Variants in FRYL observed in about 807,000 individuals in gnomAD.
The protein encoded by FRYL is FRY like transcription coactivator, also known as protein furry homolog-like.
FRYL carries 150 observed loss-of-function variants against 351.2 expected under a neutral mutation model. The ratio of observed to expected loss-of-function variants is 0.43; its 90% CI spans 0.37 to 0.49. FRYL has a LOEUF of 0.49. FRYL is among the 20% of genes least tolerant of loss of function. The probability of loss-of-function intolerance (pLI) is 0.00; values close to 1 mark genes in which losing one functional copy is unlikely to be tolerated. For synonymous variants in FRYL, 1,153 were observed against 1,257.1 expected, an observed-to-expected ratio of 0.92 and a Z score of 1.75; for missense variants, 3,036 against 3,619.3, an observed-to-expected ratio of 0.84 and a Z score of 4.13.
At chr4:48,725,523 C>T (rs1769978407) in intron 1 of FRYL, among the ~76,000 whole-genome samples, 2 of 152,164 alleles carry the variant, frequency 1.3e-5, no homozygotes, top group South Asian at 4.1e-4. Flanking sequence ...ATAAACAATT[C>T]ATAAGTTTTA....
intron 16 of FRYL, among the ~76,000 whole-genome samples, chr4:48,592,617 T>G (rs1743657366): frequency 1.3e-5 from 2 of 152,158 alleles, no homozygotes; most frequent in South Asian, 4.1e-4. Flanking sequence ...TTTCATAATT[T>G]TTGTTGCTGG....
rs1201222506 is a variant in FRYL at position 48,540,847 on chromosome 4, T to C, written c.5801A>G (p.Asn1934Ser). ...PINSSSYLGY[N>S]SNARSNSLRL... ...CAAAGAGTTACTTCTTGCATTACTG[T>C]TATATCCCAAATAACTGCTACTATT... The change falls in exon 46 of 64, where the codon AAC becomes AGC. Residue 1934 changes from asparagine (N) to serine (S), a missense_variant. Asn to Ser is a conservative substitution (Grantham distance 46). Coordinates refer to ENST00000358350, the MANE Select transcript of FRYL (RefSeq NM_015030.2). 5.0e-6 allele frequency: 8 copies of C among 1,614,060 alleles called. No homozygotes were observed. Among genetic ancestry groups the C allele is most frequent in the Non-Finnish European group, 6.8e-6 (8 of 1,179,952 alleles).
At chr4:48,640,108 T>C (rs1755037741) in intron 3 of FRYL, among the ~76,000 whole-genome samples, 1 of 152,148 alleles carries the variant, frequency 6.6e-6, no homozygotes, top group Admixed American at 6.6e-5. Flanking sequence ...GTTATTTTTT[T>C]CAAAACTAAA....
chr4:48,583,605 G>GA lies in FRYL; in HGVS notation c.1749-872dup, dbSNP rs554392506. Among the ~76,000 whole-genome samples the GA allele has an allele frequency of 5.1e-3, 727 of 141,504 alleles. 9 individuals are homozygous for GA. The highest frequency in any genetic ancestry group is 0.015 in the African/African-American group (584 of 38,708). 92.8% of individuals were successfully genotyped at this position (141,504 alleles called of 152,430 possible). On this transcript the variant is annotated intron_variant, in intron 19 of 63. Transcript: ENST00000358350. ...TAATATTATAAATGGTACATGCCTA[G>GA]AAAAAAAAAAAATAAGGCTGAGCTC... is the stretch of plus-strand genomic sequence containing the variant.
chr4:48,568,621 C>T (rs1737407689), intron 27 of FRYL, among the ~76,000 whole-genome samples: 1 of 151,844 alleles, frequency 6.6e-6, no homozygotes, highest in South Asian at 2.1e-4. Context: ...ATACCCTAAA[C>T]CCATGAAAAC....
At chr4:48,600,671 C>T (rs1745513820) in intron 13 of FRYL, among the ~76,000 whole-genome samples, 1 of 152,044 alleles carries the variant, frequency 6.6e-6, no homozygotes, top group African/African-American at 2.4e-5. Context: ...AGCAGCCTTC[C>T]AGAAACATTT....
chr4:48,619,110 A>G (rs1750139098), intron 7 of FRYL, 164 bp downstream of exon 7: 1 of 569,574 alleles, frequency 1.8e-6, no homozygotes, highest in African/African-American at 1.9e-5. Flanking sequence ...AGATAGGTAC[A>G]GGGCAGGAAA....
At chr4:48,529,004 T>C (rs1169476652) in intron 50 of FRYL, among the ~76,000 whole-genome samples, 1 of 152,148 alleles carries the variant, frequency 6.6e-6, no homozygotes, top group Non-Finnish European at 1.5e-5. Flanking sequence ...TGATCATCCT[T>C]CTCTCCCTAG....
intron 2 of FRYL, among the ~76,000 whole-genome samples, chr4:48,685,856 C>A (rs1446302034): frequency 6.6e-6 from 1 of 151,928 alleles, no homozygotes. Flanking sequence ...CGGGTTCAAG[C>A]GATTCTCCTG....
intron 3 of FRYL, among the ~76,000 whole-genome samples, chr4:48,680,254 TA>T (rs1032485386): frequency 3.3e-5 from 5 of 151,036 alleles, no homozygotes; most frequent in East Asian, 3.9e-4. Flanking sequence ...TCCCTAAAAT[TA>T]AAAAAAAATC....
intron 3 of FRYL, among the ~76,000 whole-genome samples, chr4:48,672,856 A>G (rs1186141277): frequency 6.6e-6 from 1 of 152,246 alleles, no homozygotes; most frequent in Non-Finnish European, 1.5e-5. Context: ...CCTTCTAAAA[A>G]GAAAGTGGCC....
At chr4:48,553,826 G>A (rs900924254) in intron 35 of FRYL, among the ~76,000 whole-genome samples, 2 of 152,082 alleles carry the variant, frequency 1.3e-5, no homozygotes, top group African/African-American at 4.8e-5. Flanking sequence ...AACCAGAGTA[G>A]TCATTAAGAG....
intron 26 of FRYL, chr4:48,571,890 T>A: frequency 1.0e-6 from 1 of 985,014 alleles, no homozygotes; most frequent in Non-Finnish European, 1.2e-6. Context: ...TTTAATAGCA[T>A]TCCTTCTGAA....
rs775009977 is a variant in FRYL at position 48,550,694 on chromosome 4, G to A, written c.4531C>T (p.Leu1511=). 1 of 1,609,230 alleles carries A rather than the reference G, an allele frequency of 6.2e-7. No homozygotes were observed. The highest frequency in any genetic ancestry group is 1.7e-4 in the Middle Eastern group (1 of 6,058). Residue 1511 remains leucine, a synonymous_variant, in exon 38 of 64, where the codon CTG becomes TTG. Transcript: ENST00000358350. ...CTGTTTAGTCCACTGTAAATGTCCA[G>A]GTGCACATAGCTATGGGAATGATCA... ...KENIEESYVH[L]DIYSGLNSHL... is the part of the protein sequence containing the mutation.
chr4:48,540,212 T>C, intron 46 of FRYL, 141 bp downstream of exon 46: 5 of 1,210,892 alleles, frequency 4.1e-6, no homozygotes, highest in Non-Finnish European at 5.7e-6. Flanking sequence ...TTTTGGCTTT[T>C]ACCAAATAAT....
intron 3 of FRYL, among the ~76,000 whole-genome samples, chr4:48,678,139 TC>T (rs1764024624): frequency 6.6e-6 from 1 of 152,174 alleles, no homozygotes; most frequent in South Asian, 2.1e-4. Flanking sequence ...ATGCCTGTAA[TC>T]CCAGCACTTT....
intron 53 of FRYL, among the ~76,000 whole-genome samples, chr4:48,523,666 T>C (rs76292973): frequency 0.024 from 3,649 of 152,326 alleles, 63 homozygotes; most frequent in Admixed American, 0.045. Flanking sequence ...AAATCTTTTT[T>C]TATGCAAAAT....
At chr4:48,669,010 CTTCTTT>C (rs1243266540) in intron 3 of FRYL, among the ~76,000 whole-genome samples, 1 of 152,160 alleles carries the variant, frequency 6.6e-6, no homozygotes, top group Non-Finnish European at 1.5e-5. Context: ...CTATTCTACT[CTTCTTT>C]TTAAAACCGT....
At position 48,737,988 on chromosome 4, in the gene FRYL, A is replaced by G. The variant is rs577840940; in HGVS notation, c.-383-27290T>C. Among the ~76,000 whole-genome samples, 189 of 152,332 alleles carry G rather than the reference A, an allele frequency of 1.2e-3. 1 individual carries two copies. Among genetic ancestry groups the G allele is most frequent in the Middle Eastern group, 0.01 (3 of 294 alleles). ...GACAAGCAATATCTACAAAAAACCT[A>G]CTGTTAACCTCATTCTTCATGGTGA... On this transcript the variant is annotated intron_variant, in intron 1 of 63. Coordinates refer to ENST00000358350, the MANE Select transcript of FRYL (RefSeq NM_015030.2).
Sources: gnomAD v4.1 joint callset for allele counts (sites outside exome capture counted in the v4.1 genomes callset) on GRCh38, gnomAD v4.1.1 for gene constraint, MANE v1.5 for transcripts, NCBI Gene and HGNC (gene_info 2026-07-23, HGNC 2026-07-21) for gene names.